PCDHGB2: variants seen among roughly 807,000 people sequenced by gnomAD.
The protein encoded by PCDHGB2 is protocadherin gamma-B2.
In PCDHGB2, 55 loss-of-function variants were observed where a neutral mutation model predicts 59.3. The observed-to-expected ratio is 0.93, with a 90% CI of 0.75 to 1.16. PCDHGB2 has a LOEUF of 1.16. PCDHGB2 is among the 50% of genes most tolerant of loss of function. The pLI, the probability that PCDHGB2 is intolerant of heterozygous loss-of-function variation, is 0.00. For missense variants in PCDHGB2, 1,228 were observed against 1,198.5 expected (o/e 1.02, Z -0.36); for synonymous variants, 516 against 512.0 (o/e 1.01, Z -0.11).
intron 1 of PCDHGB2, chr5:141,424,475 T>C (rs1399874639): frequency 2.6e-5 from 4 of 152,234 alleles, no homozygotes; most frequent in Admixed American, 2.0e-4. Context: ...ATTCTTTTAC[T>C]TTGGTGTCTG....
rs779342119 is a variant in PCDHGB2 at position 141,360,661 on chromosome 5, G to A, written c.526G>A (p.Glu176Lys). 5 of 1,613,944 alleles carry A rather than the reference G, an allele frequency of 3.1e-6. No individual in the cohort carries two copies. The highest frequency in any genetic ancestry group is 4.2e-6 in the Non-Finnish European group (5 of 1,179,902). Residue 176 changes from glutamate (E) to lysine (K), a missense_variant, in exon 1 of 4, where the codon GAG (glutamate) becomes AAG (lysine). By Grantham distance (56) the Glu-to-Lys change is moderately conservative (BLOSUM62 1). Coordinates refer to ENST00000522605, the MANE Select transcript of PCDHGB2 (RefSeq NM_018923.3). ...ACAAAGATACCACCTTAATGACAACGAGTACTTTGATCTCGCTGAGAAACA... is the reference window on the plus strand; with the variant it reads ...ACAAAGATACCACCTTAATGACAACAAGTACTTTGATCTCGCTGAGAAACA... The part of the protein sequence containing the change: ...SLQRYHLNDN[E>K]YFDLAEKQTP...
chr5:141,427,697 A>G (rs1306378691), intron 1 of PCDHGB2: 3 of 924,392 alleles, frequency 3.2e-6, no homozygotes, highest in South Asian at 1.4e-5. Context: ...CCATCCCACA[A>G]GTCAGCGCCT....
intron 1 of PCDHGB2, chr5:141,419,843 C>T: frequency 6.2e-7 from 1 of 1,614,070 alleles, no homozygotes; most frequent in Non-Finnish European, 8.5e-7. Flanking sequence ...CACGCTGCAC[C>T]TGGTGTTCGC....
At chr5:141,479,590 A>T (rs2099500448) in intron 1 of PCDHGB2, 1 of 152,182 alleles carries the variant, frequency 6.6e-6, no homozygotes, top group Non-Finnish European at 1.5e-5. Context: ...TAGCCACTGC[A>T]CTCCAGCCTA....
chr5:141,409,129 T>G (rs781711972), intron 1 of PCDHGB2: 5 of 1,613,856 alleles, frequency 3.1e-6, no homozygotes, highest in Non-Finnish European at 4.2e-6. Flanking sequence ...CATTTGATTT[T>G]GAAGATGTAG....
rs543335678 is a variant in PCDHGB2 at position 141,365,777 on chromosome 5, G to A, written c.2421+3221G>A. ...GACAGCCCATGACCCCGACAGCGGC[G>A]ACAACGCTCGAGTCACCTACTCCCT... On this transcript the variant is annotated intron_variant, in intron 1 of 3. Transcript: ENST00000522605. 6.8e-6 allele frequency: 11 copies of A among 1,613,736 alleles called. No homozygotes were observed. In the South Asian group the frequency reaches 9.9e-5, roughly 14 times the overall value.
chr5:141,491,544 C>G lies in PCDHGB2; in HGVS notation c.2422-3263C>G, dbSNP rs546391464. The G allele has an allele frequency of 1.1e-5, 17 of 1,614,018 alleles. No individual in the cohort carries two copies. In the Admixed American group the frequency reaches 1.8e-4, roughly 17 times the overall value. Reference sequence around the variant, plus strand: ...TGGAGGTGACGCTGCGGCCCACAGACTCGCAGAGCCACTGCTACAGGACGT... The same window carrying G: ...TGGAGGTGACGCTGCGGCCCACAGAGTCGCAGAGCCACTGCTACAGGACGT... On this transcript the variant is annotated intron_variant, in intron 1 of 3. Transcript: ENST00000522605. The surrounding 1 kb of genome is among the most constrained non-coding windows in gnomAD (Gnocchi z 6.9).
rs374253072 is a variant in PCDHGB2, at chr5:141,476,894, G to A, written c.2422-17913G>A. ...GCGCGTCCTGGAGGATGCACCCTCCGGCACGCGCGTGGTACAAGTCCTTGC... is the reference window on the plus strand; with the variant it reads ...GCGCGTCCTGGAGGATGCACCCTCCAGCACGCGCGTGGTACAAGTCCTTGC... On this transcript the variant is annotated intron_variant, in intron 1 of 3. Transcript: ENST00000522605. The surrounding 1 kb of genome is among the most constrained non-coding windows in gnomAD (Gnocchi z 7.6). 48 of 1,613,834 alleles carry A rather than the reference G, an allele frequency of 3.0e-5. No homozygotes were observed. In the African/African-American group the frequency reaches 5.6e-4, roughly 19 times the overall value.
At chr5:141,427,938 G>A in intron 1 of PCDHGB2, 1 of 1,584,968 alleles carries the variant, frequency 6.3e-7, no homozygotes, top group South Asian at 1.1e-5. Context: ...GTTGGTGGGC[G>A]ACCTCAATGA....
rs770808281 is a variant in PCDHGB2, at chr5:141,375,056, C to T, written c.2421+12500C>T. The T allele has an allele frequency of 1.9e-6, 3 of 1,613,848 alleles. No individual in the cohort carries two copies. The East Asian group carries it at 6.7e-5, about 36-fold the overall frequency. On this transcript the variant is annotated intron_variant, in intron 1 of 3. Transcript: ENST00000522605. ...GCTGGGTGTTGAAGCCCGGGATGGG[C>T]CAGGTCTTCGAGACAGAGCGAAAGT...
At chr5:141,443,330 C>A (rs1005631067) in intron 1 of PCDHGB2, among the ~76,000 whole-genome samples, 44 of 139,282 alleles carry the variant, frequency 3.2e-4, no homozygotes, top group African/African-American at 4.5e-4. Flanking sequence ...AAAAAAAAAA[C>A]AAAAATTAAC....
At chr5:141,420,742 A>G (rs967908996) in intron 1 of PCDHGB2, among the ~76,000 whole-genome samples, 3 of 152,372 alleles carry the variant, frequency 2.0e-5, no homozygotes, top group African/African-American at 7.2e-5. Context: ...AATCAATTGG[A>G]ACCAACTACA....
chr5:141,413,636 T>G, intron 1 of PCDHGB2: 2 of 1,613,876 alleles, frequency 1.2e-6, no homozygotes, highest in South Asian at 2.2e-5. Context: ...GCTGCGGGAA[T>G]GCGTTTTCCT....
chr5:141,394,705 C>T lies in PCDHGB2; in HGVS notation c.2421+32149C>T, dbSNP rs1245348426. 6.2e-7 allele frequency: 1 copy of T among 1,613,256 alleles called. No individual in the cohort carries two copies. The highest frequency in any genetic ancestry group is 1.7e-5 in the Admixed American group (1 of 60,012). ...ACGGGCGAGGTGCGCACGGCGCGAG[C>T]CCTGCTGGACAGAGATGCGCTCAAG... On this transcript the variant is annotated intron_variant, in intron 1 of 3. Coordinates refer to ENST00000522605, the MANE Select transcript of PCDHGB2 (RefSeq NM_018923.3).
At chr5:141,417,887 C>T in intron 1 of PCDHGB2, 2 of 1,564,888 alleles carry the variant, frequency 1.3e-6, no homozygotes, top group Non-Finnish European at 1.7e-6. Flanking sequence ...GCAGAGGCGC[C>T]GGGCCGGCCC....
chr5:141,363,067 T>A (rs1215757323), intron 1 of PCDHGB2, among the ~76,000 whole-genome samples: 1 of 152,250 alleles, frequency 6.6e-6, no homozygotes, highest in Non-Finnish European at 1.5e-5. Context: ...GCTAAATGTC[T>A]TGGAATCACA....
intron 1 of PCDHGB2, chr5:141,420,925 G>A: frequency 2.8e-6 from 1 of 355,536 alleles, no homozygotes; most frequent in Non-Finnish European, 5.1e-6. Context: ...TCACAAAGGT[G>A]AGCGTAATCA....
intron 1 of PCDHGB2, among the ~76,000 whole-genome samples, chr5:141,386,454 C>T (rs1377987276): frequency 6.6e-6 from 1 of 152,064 alleles, no homozygotes; most frequent in South Asian, 2.1e-4. Flanking sequence ...GGCAAGAGGA[C>T]AGCTTGAACC....
At chr5:141,426,432 C>T (rs1239073805) in intron 1 of PCDHGB2, 2 of 295,812 alleles carry the variant, frequency 6.8e-6, no homozygotes, top group African/African-American at 2.2e-5. Flanking sequence ...TGGTGGGGAA[C>T]CTTGCGGAGG....
Sources: allele counts gnomAD v4.1 joint callset (sites outside exome capture counted in the v4.1 genomes callset), GRCh38; gene constraint gnomAD v4.1.1; non-coding constraint Gnocchi (gnomAD v3.1); transcripts MANE v1.5; gene names NCBI Gene and HGNC (gene_info 2026-07-23, HGNC 2026-07-21).